CCDC171: variants seen among roughly 807,000 people sequenced by gnomAD.
CCDC171 encodes coiled-coil domain containing 171, also known as coiled-coil domain-containing protein 171.
In CCDC171, 177 loss-of-function variants were observed where a neutral mutation model predicts 168.2. The ratio of observed to expected loss-of-function variants is 1.05; its 90% CI spans 0.93 to 1.19. The LOEUF is 1.19. CCDC171 is among the 50% of genes most tolerant of loss of function. The pLI, the probability that CCDC171 is intolerant of heterozygous loss-of-function variation, is 0.00. For missense variants in CCDC171, 1,991 were observed against 1,539.0 expected (o/e 1.29, Z -4.91); for synonymous variants, 687 against 540.8 (o/e 1.27, Z -3.75).
intron 24 of CCDC171, among the ~76,000 whole-genome samples, chr9:15,917,155 A>G (rs1334021809): frequency 1.3e-5 from 2 of 151,922 alleles, no homozygotes; most frequent in African/African-American, 4.8e-5. Context: ...GCTTTACTGT[A>G]TAGTTTGAAT....
intron 4 of CCDC171, among the ~76,000 whole-genome samples, chr9:15,585,216 T>C (rs1187203208): frequency 2.0e-5 from 3 of 152,212 alleles, no homozygotes; most frequent in Admixed American, 6.5e-5. Flanking sequence ...GGATTTATCT[T>C]ATGAGCCAGT....
At chr9:15,823,866 CAG>C (rs1373205587) in intron 21 of CCDC171, among the ~76,000 whole-genome samples, 8 of 151,918 alleles carry the variant, frequency 5.3e-5, no homozygotes, top group East Asian at 1.9e-4. Context: ...ATTTACATGA[CAG>C]AGAAAAAAAT....
chr9:15,558,650 C>T (rs1040671205), intron 1 of CCDC171, among the ~76,000 whole-genome samples: 1 of 151,940 alleles, frequency 6.6e-6, no homozygotes, highest in African/African-American at 2.4e-5. Flanking sequence ...TGCTAGTGGT[C>T]TAGCAATTTT....
At chr9:16,074,881 C>G in the CCDC171 span, among the ~76,000 whole-genome samples, 11 of 152,156 alleles carry the variant, frequency 7.2e-5, no homozygotes, top group African/African-American at 2.7e-4. Context: ...TGATATTGGA[C>G]TTTATTCTGA....
At chr9:15,777,384 C>T (rs1036429313) in intron 18 of CCDC171, among the ~76,000 whole-genome samples, 15 of 152,000 alleles carry the variant, frequency 9.9e-5, no homozygotes, top group African/African-American at 3.6e-4. Context: ...TAAATACATG[C>T]AGATTTTTTT....
In CCDC171 at chr9:15,729,721, A is replaced by G. The variant is rs746146681; in HGVS notation, c.1972A>G (p.Ser658Gly). 3.7e-6 allele frequency: 6 copies of G among 1,613,406 alleles called. No individual in the cohort carries two copies. In the African/African-American group the frequency reaches 4.0e-5, roughly 11 times the overall value. ...KVAEQIKAQE[S>G]CWHRQKKELE... ...GGCAGAACAGATCAAAGCCCAAGAG[A>G]GCTGCTGGCACAGACAAAAGAAGGA... The change falls in exon 16 of 26, where the codon AGC (serine) becomes GGC (glycine). Residue 658 changes from serine (S) to glycine (G), a missense_variant. Transcript: ENST00000380701.
At chr9:15,582,400 T>TA (rs969578745) in intron 4 of CCDC171, among the ~76,000 whole-genome samples, 11 of 152,298 alleles carry the variant, frequency 7.2e-5, no homozygotes, top group African/African-American at 2.4e-4. Context: ...GAACTAGAAA[T>TA]ACCATTTGAC....
intron 11 of CCDC171, among the ~76,000 whole-genome samples, chr9:15,712,680 G>A (rs979020472): frequency 1.3e-5 from 2 of 152,192 alleles, no homozygotes; most frequent in African/African-American, 4.8e-5. Context: ...AAGTTACTCA[G>A]TGTGATCAAC....
chr9:15,727,436 T>G (rs1260982127), intron 14 of CCDC171, among the ~76,000 whole-genome samples: 1 of 152,230 alleles, frequency 6.6e-6, no homozygotes, highest in African/African-American at 2.4e-5. Flanking sequence ...TCTGTATTGT[T>G]TTTTGACAAG....
intron 1 of CCDC171, among the ~76,000 whole-genome samples, chr9:16,047,438 C>G (rs907875124): frequency 6.7e-6 from 1 of 149,852 alleles, no homozygotes; most frequent in Admixed American, 6.6e-5. Context: ...CTACCTCCTG[C>G]CACTACTTTA....
At chr9:15,577,274 G>A (rs2040746294) in intron 3 of CCDC171, among the ~76,000 whole-genome samples, 1 of 152,124 alleles carries the variant, frequency 6.6e-6, no homozygotes, top group African/African-American at 2.4e-5. Flanking sequence ...AGATTCTAAA[G>A]CTCTGAGATT....
At chr9:16,059,542 C>T (rs1244575409) in intron 1 of CCDC171, among the ~76,000 whole-genome samples, 12 of 121,586 alleles carry the variant, frequency 9.9e-5, no homozygotes, top group African/African-American at 3.6e-4. Context: ...GAGTCTCGCT[C>T]TGTCGCCCAG....
chr9:15,952,138 A>AT lies in CCDC171; in HGVS notation c.3754-19465dup, dbSNP rs1384425135. ...CTAGCACTGTTTGTTGAAAAGACGT[A>AT]TTTTTTCCCCATTAAATGGTGTTGA... is the stretch of plus-strand genomic sequence containing the variant. On this transcript the variant is annotated intron_variant, in intron 25 of 25. Coordinates refer to ENST00000380701, the MANE Select transcript of CCDC171 (RefSeq NM_173550.4). Among the ~76,000 whole-genome samples the AT allele has an allele frequency of 9.2e-5, 14 of 152,102 alleles. No homozygotes were observed. The South Asian group carries it at 1.7e-3, about 18-fold the overall frequency.
chr9:16,045,688 G>A (rs1833649681), intron 1 of CCDC171, among the ~76,000 whole-genome samples: 1 of 152,192 alleles, frequency 6.6e-6, no homozygotes, highest in Non-Finnish European at 1.5e-5. Context: ...CAGCACTTGG[G>A]GAGGCTGAGG....
chr9:15,620,852 A>G (rs1312790422), intron 6 of CCDC171, among the ~76,000 whole-genome samples: 3 of 152,226 alleles, frequency 2.0e-5, no homozygotes, highest in African/African-American at 4.8e-5. Context: ...CACCCTCATC[A>G]GTCAGCAGTC....
chr9:15,673,462 C>T (rs1260637734), intron 9 of CCDC171, among the ~76,000 whole-genome samples: 2 of 152,142 alleles, frequency 1.3e-5, no homozygotes, highest in Non-Finnish European at 2.9e-5. Flanking sequence ...TTTGCCCATT[C>T]AGTATGATAT....
chr9:16,067,985 G>A, the CCDC171 span, among the ~76,000 whole-genome samples: 37 of 151,668 alleles, frequency 2.4e-4, no homozygotes, highest in African/African-American at 8.5e-4. Context: ...GGAAATAAAA[G>A]GTATTCAATT....
At chr9:15,740,948 G>A (rs1409536210) in intron 16 of CCDC171, among the ~76,000 whole-genome samples, 1 of 152,054 alleles carries the variant, frequency 6.6e-6, no homozygotes, top group East Asian at 1.9e-4. Flanking sequence ...GTATTATTTT[G>A]TGTCTTTCAA....
intron 21 of CCDC171, among the ~76,000 whole-genome samples, chr9:15,832,711 T>C (rs1450032256): frequency 6.6e-6 from 1 of 152,222 alleles, no homozygotes; most frequent in African/African-American, 2.4e-5. Flanking sequence ...AGGACATTAC[T>C]GTATACTGCT....
Sources: gnomAD v4.1 joint callset for allele counts (sites outside exome capture counted in the v4.1 genomes callset) on GRCh38, gnomAD v4.1.1 for gene constraint, MANE v1.5 for transcripts, NCBI Gene and HGNC (gene_info 2026-07-23, HGNC 2026-07-21) for gene names.